The following CHRM3 variants were observed in gnomAD, a reference collection of about 807,000 sequenced individuals.
CHRM3 encodes the protein cholinergic receptor muscarinic 3.
In CHRM3, 11 loss-of-function variants were observed where a neutral mutation model predicts 41.8. That is an observed-to-expected ratio of 0.26 (90% CI 0.17 to 0.44). The LOEUF is 0.44. Among genes scored for constraint, CHRM3 ranks in the 20% least tolerant of loss-of-function variants. The pLI, the probability that CHRM3 is intolerant of heterozygous loss-of-function variation, is 1.00. For synonymous variants in CHRM3, 297 were observed against 301.4 expected, an observed-to-expected ratio of 0.99 and a Z score of 0.15; for missense variants, 571 against 745.4, an observed-to-expected ratio of 0.77 and a Z score of 2.72.
In CHRM3 at chr1:239,914,974, A is replaced by G. The variant is rs1318328911; in HGVS notation, c.*5750A>G. On this transcript the variant is annotated 3_prime_UTR_variant, in exon 7 of 7. Coordinates refer to ENST00000676153, the MANE Select transcript of CHRM3 (RefSeq NM_001375978.1). ...CTATGTGATGGCCACAGTTTGGGCA[A>G]AGCCCTTCTTTCTTTTAAATATAGG... The G allele has an allele frequency of 6.0e-6, 1 of 167,082 alleles. No homozygotes were observed. The allele number at this position is 167,082 out of a possible 1,614,324, so 10.3% of individuals were successfully genotyped here.
chr1:239,654,119 G>A (rs1441729621), intron 4 of CHRM3, among the ~76,000 whole-genome samples: 1 of 151,880 alleles, frequency 6.6e-6, no homozygotes, highest in Admixed American at 6.6e-5. Context: ...GAGCCACCAC[G>A]CCTGGCTAAT....
chr1:239,409,479 G>T (rs1472248191), intron 1 of CHRM3, among the ~76,000 whole-genome samples: 1 of 152,170 alleles, frequency 6.6e-6, no homozygotes, highest in Non-Finnish European at 1.5e-5. Context: ...CGGGATCTCA[G>T]TTTGCTTGAA....
At chr1:239,457,646 C>A (rs1024202231) in intron 1 of CHRM3, among the ~76,000 whole-genome samples, 5 of 152,054 alleles carry the variant, frequency 3.3e-5, no homozygotes, top group African/African-American at 1.2e-4. Flanking sequence ...CAAAAATAAA[C>A]GTTGAGGGCT....
chr1:239,852,704 G>A (rs532530744), intron 6 of CHRM3, among the ~76,000 whole-genome samples: 20 of 149,946 alleles, frequency 1.3e-4, no homozygotes, highest in African/African-American at 4.6e-4. Flanking sequence ...ATATTTTAAC[G>A]TTAGTCTTCA....
At chr1:239,591,229 G>A (rs992405539) in intron 3 of CHRM3, among the ~76,000 whole-genome samples, 5 of 152,164 alleles carry the variant, frequency 3.3e-5, no homozygotes, top group South Asian at 4.1e-4. Context: ...ATAAAATTGC[G>A]CTGGTCTCCC....
intron 1 of CHRM3, among the ~76,000 whole-genome samples, chr1:239,448,728 G>A (rs1209426058): frequency 6.6e-6 from 1 of 152,094 alleles, no homozygotes; most frequent in Admixed American, 6.6e-5. Context: ...TTTAAAAGGG[G>A]TGGAACTATT....
At chr1:239,686,006 A>C (rs550782504) in intron 5 of CHRM3, among the ~76,000 whole-genome samples, 1 of 151,868 alleles carries the variant, frequency 6.6e-6, no homozygotes, top group Non-Finnish European at 1.5e-5. Flanking sequence ...AAACAAAAAA[A>C]CTGTGTTCTG....
chr1:239,687,670 G>A (rs1306225880), intron 5 of CHRM3, among the ~76,000 whole-genome samples: 2 of 152,072 alleles, frequency 1.3e-5, no homozygotes, highest in African/African-American at 2.4e-5. Context: ...GCATAATGAT[G>A]CTTCAGTCAA....
intron 1 of CHRM3, among the ~76,000 whole-genome samples, chr1:239,419,583 AG>A: frequency 6.6e-6 from 1 of 152,196 alleles, no homozygotes; most frequent in East Asian, 1.9e-4. Flanking sequence ...TGTTATTTTT[AG>A]GGATAATAGA....
chr1:239,542,837 A>G (rs984174698), intron 2 of CHRM3, among the ~76,000 whole-genome samples: 4 of 152,212 alleles, frequency 2.6e-5, no homozygotes, highest in Admixed American at 2.0e-4. Flanking sequence ...TAGACATTTT[A>G]CAAAATGTAT....
intron 1 of CHRM3, among the ~76,000 whole-genome samples, chr1:239,469,951 C>G (rs541391064): frequency 6.6e-6 from 1 of 152,258 alleles, no homozygotes; most frequent in South Asian, 2.1e-4. Context: ...AATAAACTGG[C>G]TGGAGTCTCA....
At chr1:239,750,892 C>A (rs918616193) in intron 5 of CHRM3, among the ~76,000 whole-genome samples, 13 of 152,098 alleles carry the variant, frequency 8.5e-5, no homozygotes, top group African/African-American at 3.1e-4. Flanking sequence ...TCTTTTAACA[C>A]CAGTTATCTC....
chr1:239,892,317 C>G (rs994455737), intron 6 of CHRM3, among the ~76,000 whole-genome samples: 6 of 152,112 alleles, frequency 3.9e-5, no homozygotes, highest in Non-Finnish European at 7.4e-5. Flanking sequence ...TTGATTCTTG[C>G]AGTTTCTGTA....
At chr1:239,496,335 G>C (rs1667878447) in intron 2 of CHRM3, among the ~76,000 whole-genome samples, 1 of 151,974 alleles carries the variant, frequency 6.6e-6, no homozygotes, top group African/African-American at 2.4e-5. Flanking sequence ...ATACTTGCCA[G>C]TTTTATGAGT....
intron 1 of CHRM3, among the ~76,000 whole-genome samples, chr1:239,473,458 A>T (rs1195664024): frequency 6.6e-6 from 1 of 152,194 alleles, no homozygotes; most frequent in Non-Finnish European, 1.5e-5. Flanking sequence ...TCAAATGGCT[A>T]CAAGAATGTA....
rs188063330 is a variant in CHRM3, at chr1:239,785,596, G to T, written c.-146-41656G>T. Among the ~76,000 whole-genome samples, 606 of 152,262 alleles carry T rather than the reference G, an allele frequency of 4.0e-3. 4 individuals carry two copies. The highest frequency in any genetic ancestry group is 2.0e-3 in the Non-Finnish European group (135 of 68,032). On this transcript the variant is annotated intron_variant, in intron 5 of 6. Transcript: ENST00000676153. Reference sequence around the variant, plus strand: ...CCCCACTTATCTTTCTTACTTCAGTGCAGAATTTCTTTCTTTATTTTAATG... The same window carrying T: ...CCCCACTTATCTTTCTTACTTCAGTTCAGAATTTCTTTCTTTATTTTAATG...
At chr1:239,603,786 GTA>G (rs1665903890) in intron 3 of CHRM3, among the ~76,000 whole-genome samples, 2 of 152,012 alleles carry the variant, frequency 1.3e-5, no homozygotes, top group Non-Finnish European at 2.9e-5. Context: ...CAGTTTACAG[GTA>G]TGATAAGTTT....
intron 5 of CHRM3, among the ~76,000 whole-genome samples, chr1:239,821,111 T>A (rs1256859003): frequency 6.6e-6 from 1 of 152,212 alleles, no homozygotes; most frequent in Non-Finnish European, 1.5e-5. Context: ...TCTGACTTCA[T>A]GGGTTCAGTG....
Position 239,495,086 on chromosome 1 carries a change from C to T in CHRM3, c.-422+2279C>T, listed in dbSNP as rs114480484. On this transcript the variant is annotated intron_variant, in intron 2 of 6. Transcript: ENST00000676153. Reference sequence around the variant, plus strand: ...CTGACTGTACTAAGACAGTCCCTTCCTCATATCCCAGCTTTTATTCCAATG... The same window carrying T: ...CTGACTGTACTAAGACAGTCCCTTCTTCATATCCCAGCTTTTATTCCAATG... 8.7e-3 allele frequency among the ~76,000 whole-genome samples: 1,321 copies of T among 152,252 alleles called. 14 individuals are homozygous for T. The highest frequency in any genetic ancestry group is 0.03 in the African/African-American group (1,251 of 41,544).
Sources: allele counts gnomAD v4.1 joint callset (sites outside exome capture counted in the v4.1 genomes callset), GRCh38; gene constraint gnomAD v4.1.1; transcripts MANE v1.5; gene names NCBI Gene and HGNC (gene_info 2026-07-23, HGNC 2026-07-21).